The following NRXN3 variants were observed in gnomAD, a reference collection of about 807,000 sequenced individuals.
NRXN3 encodes neurexin III.
In NRXN3, 32 loss-of-function variants were observed where a neutral mutation model predicts 137.6. The observed-to-expected ratio is 0.23, with a 90% CI of 0.18 to 0.31. The LOEUF (loss-of-function observed/expected upper bound fraction) is 0.31, where lower values mean the gene tolerates loss of function less well. Ranked by LOEUF, NRXN3 falls within the 10% of genes least tolerant of loss-of-function variation. The pLI is 1.00. For synonymous variants in NRXN3, 798 were observed against 784.5 expected, an observed-to-expected ratio of 1.02 and a Z score of -0.29; for missense variants, 1,574 against 2,062.5, an observed-to-expected ratio of 0.76 and a Z score of 4.59.
intron 16 of NRXN3, among the ~76,000 whole-genome samples, chr14:79,631,096 T>G (rs1482550563): frequency 6.6e-6 from 1 of 152,212 alleles, no homozygotes; most frequent in Non-Finnish European, 1.5e-5. Context: ...CTCATTTATT[T>G]ATTTACCAAG....
Position 79,751,313 on chromosome 14 carries a change from A to G in NRXN3, c.4014+53376A>G, listed in dbSNP as rs370423923. Among the ~76,000 whole-genome samples, 54 of 152,160 alleles carry G rather than the reference A, an allele frequency of 3.5e-4. 1 individual carries two copies. In the East Asian group the frequency reaches 8.3e-3, roughly 23 times the overall value. The stretch of plus-strand genomic sequence containing the variant: ...TCCCTTGTAAGTTGGATTCCTAAGT[A>G]TTTTATTCTCTTTGAAGCAATTGTG... On this transcript the variant is annotated intron_variant, in intron 19 of 20. Coordinates refer to ENST00000335750, the MANE Select transcript of NRXN3 (RefSeq NM_001330195.2).
intron 10 of NRXN3, among the ~76,000 whole-genome samples, chr14:78,846,581 A>G (rs1255536778): frequency 6.6e-6 from 1 of 152,068 alleles, no homozygotes; most frequent in Non-Finnish European, 1.5e-5. Flanking sequence ...CAATCCTTCC[A>G]TGAATTCCTT....
intron 15 of NRXN3, among the ~76,000 whole-genome samples, chr14:79,059,783 A>T (rs948284104): frequency 6.6e-6 from 1 of 152,322 alleles, no homozygotes; most frequent in African/African-American, 2.4e-5. Context: ...TATGAGGAAG[A>T]GGGGAAATCA....
At chr14:78,514,142 G>A (rs1272360511) in intron 4 of NRXN3, among the ~76,000 whole-genome samples, 10 of 152,138 alleles carry the variant, frequency 6.6e-5, no homozygotes. Flanking sequence ...ATAACCAAGT[G>A]TCCAGGGTCT....
At chr14:78,673,969 C>A (rs2097967439) in intron 6 of NRXN3, among the ~76,000 whole-genome samples, 1 of 152,172 alleles carries the variant, frequency 6.6e-6, no homozygotes, top group South Asian at 2.1e-4. Context: ...ATATCCAAGA[C>A]CATCATCCAA....
intron 17 of NRXN3, among the ~76,000 whole-genome samples, chr14:79,677,461 T>C (rs1044226806): frequency 5.9e-5 from 9 of 152,068 alleles, no homozygotes; most frequent in South Asian, 2.1e-4. Flanking sequence ...TGAAATGTCT[T>C]TAGGTTTACA....
chr14:79,269,812 T>C (rs962561685), intron 15 of NRXN3, among the ~76,000 whole-genome samples: 1 of 152,154 alleles, frequency 6.6e-6, no homozygotes, highest in Non-Finnish European at 1.5e-5. Flanking sequence ...AAAAAAATGT[T>C]TGGTATTTAA....
chr14:79,610,192 G>C (rs907760336), intron 16 of NRXN3, among the ~76,000 whole-genome samples: 1 of 152,072 alleles, frequency 6.6e-6, no homozygotes, highest in Non-Finnish European at 1.5e-5. Context: ...GATACTAAGA[G>C]GAAGGAAAAA....
chr14:79,320,541 A>G (rs1463964702), intron 15 of NRXN3, among the ~76,000 whole-genome samples: 1 of 152,112 alleles, frequency 6.6e-6, no homozygotes, highest in Admixed American at 6.6e-5. Context: ...TGTTTTGTAC[A>G]TTTTCCCTCA....
rs186024385 is a variant in NRXN3, at chr14:79,198,897, G to T, written c.3262+210756G>T. ...GAAAAAGCAAAACTGGCCAGGTGCG[G>T]TGGCTCACGCCTGTAATCCAGCACT... On this transcript the variant is annotated intron_variant, in intron 15 of 20. Coordinates refer to ENST00000335750, the MANE Select transcript of NRXN3 (RefSeq NM_001330195.2). Among the ~76,000 whole-genome samples the T allele has an allele frequency of 5.1e-4, 77 of 152,344 alleles. 1 individual carries two copies. Among genetic ancestry groups the T allele is most frequent in the African/African-American group, 1.8e-3 (76 of 41,576 alleles).
chr14:78,272,026 T>C (rs1169060362), intron 2 of NRXN3, among the ~76,000 whole-genome samples: 4 of 152,222 alleles, frequency 2.6e-5, no homozygotes, highest in Non-Finnish European at 4.4e-5. Context: ...GAAAACCTTA[T>C]GCTCATCTTT....
chr14:79,457,641 T>A (rs535208985), intron 15 of NRXN3, among the ~76,000 whole-genome samples: 2 of 152,298 alleles, frequency 1.3e-5, no homozygotes, highest in East Asian at 3.9e-4. Flanking sequence ...TCGTGTTGTA[T>A]GAATTAAAGC....
intron 15 of NRXN3, among the ~76,000 whole-genome samples, chr14:79,222,845 G>T (rs1246662201): frequency 6.6e-6 from 1 of 152,038 alleles, no homozygotes; most frequent in Non-Finnish European, 1.5e-5. Flanking sequence ...TGTGTGTTCA[G>T]ATCTTTGGCC....
intron 15 of NRXN3, among the ~76,000 whole-genome samples, chr14:79,154,194 A>G (rs1021253893): frequency 6.6e-6 from 1 of 152,000 alleles, no homozygotes; most frequent in East Asian, 1.9e-4. Context: ...TTGCAATGTG[A>G]ATGGCTTCTC....
At chr14:79,598,228 G>A (rs1346540918) in intron 16 of NRXN3, among the ~76,000 whole-genome samples, 1 of 152,172 alleles carries the variant, frequency 6.6e-6, no homozygotes, top group Admixed American at 6.5e-5. Context: ...TTGGTGCAGA[G>A]GATTTGGGAT....
At chr14:79,512,056 T>A (rs564476451) in intron 16 of NRXN3, among the ~76,000 whole-genome samples, 4 of 152,302 alleles carry the variant, frequency 2.6e-5, no homozygotes, top group African/African-American at 9.6e-5. Context: ...TGTGCCACCA[T>A]GCCCGGCTAA....
chr14:78,857,293 A>G (rs1055718920), intron 10 of NRXN3, among the ~76,000 whole-genome samples: 2 of 152,158 alleles, frequency 1.3e-5, no homozygotes, highest in Non-Finnish European at 2.9e-5. Flanking sequence ...TGGAAGATGA[A>G]CATATTTAGA....
chr14:79,453,496 T>C (rs2096210047), intron 15 of NRXN3, among the ~76,000 whole-genome samples: 1 of 152,200 alleles, frequency 6.6e-6, no homozygotes. Context: ...GTGGGTGTTA[T>C]TTGGTCAAAT....
At chr14:78,292,173 G>T (rs989772998) in intron 3 of NRXN3, among the ~76,000 whole-genome samples, 5 of 152,206 alleles carry the variant, frequency 3.3e-5, no homozygotes, top group Non-Finnish European at 5.9e-5. Context: ...CTCATGACAG[G>T]CTTCATGATG....
Sources: gnomAD v4.1 joint callset for allele counts (sites outside exome capture counted in the v4.1 genomes callset) on GRCh38, gnomAD v4.1.1 for gene constraint, MANE v1.5 for transcripts, NCBI Gene and HGNC (gene_info 2026-07-23, HGNC 2026-07-21) for gene names.